Variants in TANC2 observed in about 807,000 individuals in gnomAD.
TANC2 encodes the protein tetratricopeptide repeat, ankyrin repeat and coiled-coil containing 2, also known as protein TANC2.
TANC2 carries 26 observed loss-of-function variants against 210.5 expected under a neutral mutation model. The observed-to-expected ratio is 0.12, with a 90% CI of 0.09 to 0.17. The LOEUF (loss-of-function observed/expected upper bound fraction) is 0.17, where lower values mean the gene tolerates loss of function less well. Among genes scored for constraint, TANC2 ranks in the 10% least tolerant of loss-of-function variants. TANC2 has a pLI of 1.00. For missense variants in TANC2, 2,129 were observed against 2,608.9 expected, an observed-to-expected ratio of 0.82 and a Z score of 4.01; for synonymous variants, 931 against 967.1, an observed-to-expected ratio of 0.96 and a Z score of 0.69.
intron 2 of TANC2, among the ~76,000 whole-genome samples, chr17:63,011,753 T>A (rs376400637): frequency 2.0e-5 from 3 of 152,294 alleles, no homozygotes; most frequent in South Asian, 2.1e-4. Context: ...AGGTTTTTTT[T>A]AATTAGTATT....
At chr17:63,074,778 AAG>A (rs1444069110) in intron 3 of TANC2, among the ~76,000 whole-genome samples, 1 of 152,166 alleles carries the variant, frequency 6.6e-6, no homozygotes, top group African/African-American at 2.4e-5. Flanking sequence ...AATGATCTGA[AAG>A]AGAATGAGTT....
At position 63,343,609 on chromosome 17, in the gene TANC2, A is replaced by G. The variant is rs114051339; in HGVS notation, c.1807+3277A>G. 6.9e-3 allele frequency among the ~76,000 whole-genome samples: 1,050 copies of G among 152,378 alleles called. 12 individuals carry two copies. Among genetic ancestry groups the G allele is most frequent in the African/African-American group, 0.024 (1,007 of 41,586 alleles). On this transcript the variant is annotated intron_variant, in intron 12 of 27. Coordinates refer to ENST00000689528, the Ensembl canonical transcript of TANC2. Reference sequence around the variant, plus strand: ...TAGCAGCTAGTATGGTAACTGGAACATAAAAGGAATTTAGGCTAGGCTTGG... The same window carrying G: ...TAGCAGCTAGTATGGTAACTGGAACGTAAAAGGAATTTAGGCTAGGCTTGG...
In TANC2 at chr17:63,389,548, C is replaced by G; in HGVS notation, c.3051+4C>G. On this transcript the variant is annotated splice_donor_region_variant and intron_variant, in intron 17 of 27. Transcript: ENST00000689528. ...GCTGTGCAAGAAACGGGCCAAGGTA[C>G]TGGCTGCCCAGCTCTGCTGCTTTTC... The G allele has an allele frequency of 1.2e-6, 2 of 1,600,808 alleles. No homozygotes were observed. The highest frequency in any genetic ancestry group is 1.7e-6 in the Non-Finnish European group (2 of 1,173,002).
At chr17:63,176,229 A>G (rs2040575171) in intron 5 of TANC2, among the ~76,000 whole-genome samples, 1 of 152,240 alleles carries the variant, frequency 6.6e-6, no homozygotes, top group Non-Finnish European at 1.5e-5. Flanking sequence ...ATGTCCACTT[A>G]AAGACTTTAC....
intron 2 of TANC2, among the ~76,000 whole-genome samples, chr17:63,045,680 C>A (rs189921925): frequency 5.9e-5 from 9 of 152,094 alleles, no homozygotes; most frequent in Admixed American, 5.2e-4. Flanking sequence ...TTGTTGAATA[C>A]CCTTTTCTTA....
chr17:62,990,606 G>A lies in TANC2; in HGVS notation c.-23-18931G>A, dbSNP rs559503368. Reference sequence around the variant, plus strand: ...ACCATGATTTTTATTTTTTAAAGACGGGAGCATCTTGAAATGCTGATAGAA... The same window carrying A: ...ACCATGATTTTTATTTTTTAAAGACAGGAGCATCTTGAAATGCTGATAGAA... On this transcript the variant is annotated intron_variant, in intron 1 of 27. Coordinates refer to ENST00000689528, the Ensembl canonical transcript of TANC2. 1.1e-3 allele frequency among the ~76,000 whole-genome samples: 167 copies of A among 152,126 alleles called. 1 individual carries two copies. The highest frequency in any genetic ancestry group is 1.9e-3 in the Non-Finnish European group (129 of 67,978).
At position 63,412,017 on chromosome 17, in the gene TANC2, A is replaced by G. The variant is rs2048719357; in HGVS notation, c.3785A>G (p.His1262Arg). The G allele has an allele frequency of 2.5e-6, 4 of 1,613,758 alleles. No individual in the cohort carries two copies. Among genetic ancestry groups the G allele is most frequent in the Non-Finnish European group, 3.4e-6 (4 of 1,179,874 alleles). ...TCCTAGGTCCAGTTCCTGGTAGATC[A>G]TGGGGCCATGATCGAGCACGTTGAC... is the stretch of plus-strand genomic sequence containing the variant. Residue 1262 changes from histidine (H) to arginine (R), a missense_variant, in exon 23 of 28, where the codon CAT (histidine) becomes CGT (arginine). His to Arg is a conservative substitution (Grantham distance 29). Around this residue, in one of 5 missense-constraint regions of TANC2, gnomAD observed 644 missense variants for 937.5 expected, o/e 0.69. Transcript: ENST00000689528. The surrounding 1 kb of genome is among the most constrained non-coding windows in gnomAD (Gnocchi z 4.2).
intron 7 of TANC2, among the ~76,000 whole-genome samples, chr17:63,204,526 AG>A (rs2041636496): frequency 6.6e-6 from 1 of 151,870 alleles, no homozygotes; most frequent in African/African-American, 2.4e-5. Flanking sequence ...GCTCCTTGGG[AG>A]GCTGAGGCAG....
At chr17:63,318,054 C>T (rs1461808281) in intron 10 of TANC2, among the ~76,000 whole-genome samples, 1 of 152,228 alleles carries the variant, frequency 6.6e-6, no homozygotes, top group Non-Finnish European at 1.5e-5. Flanking sequence ...TTATCCAGAA[C>T]TGTATCCAGT....
intron 3 of TANC2, among the ~76,000 whole-genome samples, chr17:63,075,577 G>C (rs2036542889): frequency 6.6e-6 from 1 of 152,116 alleles, no homozygotes; most frequent in African/African-American, 2.4e-5. Flanking sequence ...CTAGGCTGGA[G>C]TGCAGAGTGC....
intron 21 of TANC2, 39 bp downstream of exon 21, chr17:63,406,316 A>G (rs913656120): frequency 1.2e-6 from 2 of 1,605,782 alleles, no homozygotes; most frequent in Middle Eastern, 1.8e-4. Flanking sequence ...GCCAGTTTCC[A>G]TAATTACCTG....
intron 7 of TANC2, among the ~76,000 whole-genome samples, chr17:63,226,805 A>G (rs2042339716): frequency 6.6e-6 from 1 of 152,016 alleles, no homozygotes; most frequent in Non-Finnish European, 1.5e-5. Flanking sequence ...CCTTGTGTCC[A>G]TATGTTCTCA....
intron 5 of TANC2, among the ~76,000 whole-genome samples, chr17:63,172,576 A>T (rs2040441310): frequency 6.6e-6 from 1 of 152,218 alleles, no homozygotes; most frequent in Non-Finnish European, 1.5e-5. Context: ...CACTAAAATT[A>T]TGAAAATCAC....
chr17:63,017,033 A>T (rs1428177676), intron 2 of TANC2, among the ~76,000 whole-genome samples: 1 of 152,132 alleles, frequency 6.6e-6, no homozygotes, highest in African/African-American at 2.4e-5. Context: ...ATTTACTCCT[A>T]TGTTTTCTTC....
intron 2 of TANC2, among the ~76,000 whole-genome samples, chr17:63,057,956 G>A (rs2035863899): frequency 6.6e-6 from 1 of 152,090 alleles, no homozygotes; most frequent in Non-Finnish European, 1.5e-5. Context: ...ACCCAGTAGT[G>A]GAATTGCTGG....
At chr17:63,100,957 A>C (rs2037598067) in intron 4 of TANC2, among the ~76,000 whole-genome samples, 1 of 152,206 alleles carries the variant, frequency 6.6e-6, no homozygotes, top group African/African-American at 2.4e-5. Context: ...CTCATAGTTT[A>C]ATTTACTGAA....
intron 10 of TANC2, among the ~76,000 whole-genome samples, chr17:63,316,773 A>G (rs1417047934): frequency 1.3e-5 from 2 of 152,192 alleles, no homozygotes; most frequent in South Asian, 2.1e-4. Context: ...CATCTTAACC[A>G]ATAGAAGGGT....
At chr17:63,370,044 G>A (rs529120894) in intron 14 of TANC2, among the ~76,000 whole-genome samples, 24 of 152,228 alleles carry the variant, frequency 1.6e-4, no homozygotes, top group Non-Finnish European at 3.1e-4. Context: ...TTCTCACCTA[G>A]CCTTTTGCTA....
intron 7 of TANC2, among the ~76,000 whole-genome samples, chr17:63,232,129 A>T (rs2042493573): frequency 6.6e-6 from 1 of 151,998 alleles, no homozygotes; most frequent in Non-Finnish European, 1.5e-5. Context: ...GTCCTGTCTC[A>T]ACTGGTTATT....
Sources: allele counts gnomAD v4.1 joint callset (sites outside exome capture counted in the v4.1 genomes callset), GRCh38; gene constraint gnomAD v4.1.1; regional missense constraint gnomAD v4.1.1; non-coding constraint Gnocchi (gnomAD v3.1); transcripts MANE v1.5; gene names NCBI Gene and HGNC (gene_info 2026-07-23, HGNC 2026-07-21).